The following TAOK3 variants were observed in gnomAD, a reference collection of about 807,000 sequenced individuals.
The protein encoded by TAOK3 is serine/threonine-protein kinase TAO3.
TAOK3 carries 40 observed loss-of-function variants against 120.4 expected under a neutral mutation model. The ratio of observed to expected loss-of-function variants is 0.33; its 90% CI spans 0.26 to 0.43. TAOK3 has a LOEUF of 0.43. Ranked by LOEUF, TAOK3 falls within the 20% of genes least tolerant of loss-of-function variation. TAOK3 has a pLI of 1.00. For missense variants in TAOK3, 821 were observed against 1,112.1 expected (o/e 0.74, Z 3.72); for synonymous variants, 355 against 387.5 (o/e 0.92, Z 0.99).
At chr12:118,239,797 C>A (rs1236318418) in intron 5 of TAOK3, among the ~76,000 whole-genome samples, 2 of 152,162 alleles carry the variant, frequency 1.3e-5, no homozygotes, top group Non-Finnish European at 2.9e-5. Flanking sequence ...TGTATCATTA[C>A]ATTACCTTGA....
intron 11 of TAOK3, among the ~76,000 whole-genome samples, chr12:118,203,374 T>C (rs1036427083): frequency 2.0e-5 from 3 of 152,126 alleles, no homozygotes; most frequent in Non-Finnish European, 4.4e-5. Flanking sequence ...TCTGGTTTCC[T>C]AGTTTCTCAG....
chr12:118,191,764 C>A (rs2139107183), intron 13 of TAOK3, among the ~76,000 whole-genome samples: 1 of 152,272 alleles, frequency 6.6e-6, no homozygotes, highest in Admixed American at 6.5e-5. Context: ...ATTTACATTA[C>A]TGCATATTTG....
chr12:118,238,579 A>G (rs1274521398), intron 6 of TAOK3, among the ~76,000 whole-genome samples: 2 of 152,038 alleles, frequency 1.3e-5, no homozygotes, highest in East Asian at 3.9e-4. Flanking sequence ...ACAGGTTTTC[A>G]TTATTTGTGA....
At chr12:118,182,239 T>C (rs2036777727) in intron 14 of TAOK3, among the ~76,000 whole-genome samples, 1 of 152,036 alleles carries the variant, frequency 6.6e-6, no homozygotes, top group Admixed American at 6.6e-5. Flanking sequence ...TGTTTACATA[T>C]TTTTGATATA....
chr12:118,310,680 T>C (rs1054032179), intron 1 of TAOK3, among the ~76,000 whole-genome samples: 7 of 152,180 alleles, frequency 4.6e-5, no homozygotes, highest in Non-Finnish European at 8.8e-5. Context: ...TATAATTTAT[T>C]AAATGTTTAT....
At chr12:118,223,062 C>CTTTTTTTTTTTTTTT (rs75334511) in intron 9 of TAOK3, among the ~76,000 whole-genome samples, 4 of 120,094 alleles carry the variant, frequency 3.3e-5, no homozygotes, top group South Asian at 2.7e-4. Context: ...TTCTTTCTTT[C>CTTTTTTTTTTTTTTT]TTTTTTTTTT....
At chr12:118,342,953 AAAAAAGAGAG>A (rs942454764) in intron 1 of TAOK3, among the ~76,000 whole-genome samples, 4 of 145,124 alleles carry the variant, frequency 2.8e-5, no homozygotes, top group African/African-American at 1.1e-4. Flanking sequence ...AAAAAAAAAA[AAAAAAGAGAG>A]AGAGAGAGAG....
At chr12:118,217,303 C>G (rs2139563264) in intron 9 of TAOK3, among the ~76,000 whole-genome samples, 1 of 152,300 alleles carries the variant, frequency 6.6e-6, no homozygotes, top group South Asian at 2.1e-4. Flanking sequence ...TTTAGTAGCA[C>G]TTAAGCAGAT....
At chr12:118,164,530 G>A (rs1002590288) in intron 17 of TAOK3, among the ~76,000 whole-genome samples, 1 of 151,654 alleles carries the variant, frequency 6.6e-6, no homozygotes, top group Non-Finnish European at 1.5e-5. Context: ...CAATTCTCCC[G>A]CCTCAGCCTC....
At chr12:118,355,545 C>T (rs79560944) in intron 1 of TAOK3, among the ~76,000 whole-genome samples, 1,791 of 152,300 alleles carry the variant, frequency 0.012, 36 homozygotes, top group African/African-American at 0.04. Flanking sequence ...GGGTAGTACA[C>T]AATGTGGTAA....
chr12:118,237,796 A>G (rs540212484), intron 7 of TAOK3, among the ~76,000 whole-genome samples: 2 of 152,334 alleles, frequency 1.3e-5, no homozygotes, highest in African/African-American at 4.8e-5. Context: ...CACAGTATCT[A>G]AAGATTGGTG....
intron 9 of TAOK3, among the ~76,000 whole-genome samples, chr12:118,215,234 G>A (rs1316653302): frequency 3.0e-5 from 4 of 135,432 alleles, no homozygotes; most frequent in Admixed American, 1.5e-4. Flanking sequence ...GGTGGCTCAC[G>A]CCTGTAATCC....
At chr12:118,348,912 G>T (rs919226804) in intron 1 of TAOK3, among the ~76,000 whole-genome samples, 1 of 144,754 alleles carries the variant, frequency 6.9e-6, no homozygotes, top group Non-Finnish European at 1.5e-5. Context: ...CTTGTTGCCC[G>T]GGTCTCACTC....
chr12:118,168,986 TTCCTTCCTTCCTTCCTTTCTTTC>T (rs2035797751), intron 17 of TAOK3, among the ~76,000 whole-genome samples: 4 of 134,864 alleles, frequency 3.0e-5, no homozygotes, highest in Admixed American at 2.8e-4. Flanking sequence ...CCTTCCTTCC[TTCCTTCCTTCCTTCCTTTCTTTC>T]TTTCTTTCTT....
At chr12:118,215,101 G>A (rs889621978) in intron 9 of TAOK3, among the ~76,000 whole-genome samples, 3 of 150,632 alleles carry the variant, frequency 2.0e-5, no homozygotes, top group South Asian at 2.1e-4. Context: ...GGCTGGTCTC[G>A]AACTCCTGAC....
At chr12:118,291,724 C>T (rs957224785) in intron 1 of TAOK3, among the ~76,000 whole-genome samples, 3 of 151,990 alleles carry the variant, frequency 2.0e-5, no homozygotes, top group Non-Finnish European at 2.9e-5. Context: ...TGAGATCATT[C>T]GATTTAAACA....
intron 17 of TAOK3, among the ~76,000 whole-genome samples, chr12:118,168,307 T>C (rs61943535): frequency 0.1 from 15,483 of 152,262 alleles, 1,003 homozygotes; most frequent in Middle Eastern, 0.15. Context: ...TGCTTGTAAT[T>C]TGCTAAGAGG....
intron 2 of TAOK3, among the ~76,000 whole-genome samples, chr12:118,263,938 C>T (rs552057644): frequency 6.6e-6 from 1 of 152,198 alleles, no homozygotes; most frequent in African/African-American, 2.4e-5. Context: ...TTGTGGTGAG[C>T]GCCTGTAATC....
chr12:118,317,835 A>G (rs2043534036), intron 1 of TAOK3, among the ~76,000 whole-genome samples: 1 of 152,208 alleles, frequency 6.6e-6, no homozygotes, highest in South Asian at 2.1e-4. Flanking sequence ...AAAAAAAACA[A>G]AAACCAGTTG....
Sources: gnomAD v4.1 joint callset for allele counts (sites outside exome capture counted in the v4.1 genomes callset) on GRCh38, gnomAD v4.1.1 for gene constraint, MANE v1.5 for transcripts, NCBI Gene and HGNC (gene_info 2026-07-23, HGNC 2026-07-21) for gene names.